TTC27: variants seen among roughly 807,000 people sequenced by gnomAD.
TTC27 encodes tetratricopeptide repeat domain 27, also known as tetratricopeptide repeat protein 27.
A neutral mutation model predicts 115.9 loss-of-function variants in TTC27; 79 were observed. That is an observed-to-expected ratio of 0.68 (90% CI 0.57 to 0.82). TTC27 has a LOEUF of 0.82. Ranked by LOEUF, TTC27 falls within the 40% of genes least tolerant of loss-of-function variation. The pLI is 0.00. For synonymous variants in TTC27, 401 were observed against 356.0 expected (o/e 1.13, Z -1.42); for missense variants, 1,054 against 993.1 (o/e 1.06, Z -0.82).
intron 12 of TTC27, among the ~76,000 whole-genome samples, chr2:32,750,782 G>A (rs1479291589): frequency 6.6e-6 from 1 of 152,140 alleles, no homozygotes; most frequent in Non-Finnish European, 1.5e-5. Context: ...CCTTAGGGGT[G>A]ATACATCAAA....
chr2:32,719,379 C>T (rs1377108858), intron 10 of TTC27, among the ~76,000 whole-genome samples: 3 of 152,134 alleles, frequency 2.0e-5, no homozygotes, highest in African/African-American at 7.2e-5. Context: ...GATGCAACAA[C>T]CCAGATAACA....
chr2:32,707,581 C>G (rs1667419735), intron 10 of TTC27, among the ~76,000 whole-genome samples: 6 of 151,956 alleles, frequency 3.9e-5, no homozygotes, highest in Admixed American at 3.9e-4. Context: ...TAGTCTATAT[C>G]CTAATTAATA....
intron 10 of TTC27, among the ~76,000 whole-genome samples, chr2:32,732,697 C>T (rs1333642803): frequency 6.6e-6 from 1 of 152,032 alleles, no homozygotes; most frequent in African/African-American, 2.4e-5. Context: ...CTTTTGCATC[C>T]CGAAGTTTTG....
intron 5 of TTC27, among the ~76,000 whole-genome samples, chr2:32,656,320 G>T (rs1665313991): frequency 6.6e-6 from 1 of 152,164 alleles, no homozygotes; most frequent in East Asian, 1.9e-4. Flanking sequence ...GAATGTGATT[G>T]TTCTGAACCG....
chr2:32,778,169 A>C (rs1428525910), intron 14 of TTC27, among the ~76,000 whole-genome samples, 189 bp downstream of exon 14: 1 of 152,176 alleles, frequency 6.6e-6, no homozygotes, highest in East Asian at 1.9e-4. Context: ...TTCATTTAGG[A>C]AATAATTTTG....
chr2:32,656,635 G>A (rs17012044), intron 5 of TTC27, among the ~76,000 whole-genome samples: 14,988 of 152,160 alleles, frequency 0.099, 1,150 homozygotes, highest in South Asian at 0.32. Context: ...CTCACTCCGA[G>A]GATATTATTT....
At chr2:32,817,704 G>A in intron 19 of TTC27, 147 bp downstream of exon 19, 1 of 710,898 alleles carries the variant, frequency 1.4e-6, no homozygotes, top group Non-Finnish European at 2.4e-6. Flanking sequence ...GGTTGGTTGT[G>A]TTGTGAGGAT....
Position 32,758,392 on chromosome 2 carries a change from C to G in TTC27, c.1553C>G (p.Ala518Gly). 1 of 1,614,200 alleles carries G rather than the reference C, an allele frequency of 6.2e-7. No individual in the cohort carries two copies. Among genetic ancestry groups the G allele is most frequent in the Admixed American group, 1.7e-5 (1 of 60,026 alleles). ...VLGDHSCYDK[A>G]WELSRYRSAR... The stretch of plus-strand genomic sequence containing the variant: ...GGAGACCATTCTTGCTATGACAAGG[C>G]CTGGGAGTTGTCCCGGTACCGCAGT... The change falls in exon 13 of 20, where the codon GCC (alanine) becomes GGC (glycine). Residue 518 changes from alanine (A) to glycine (G), a missense_variant. Ala to Gly is a moderately conservative substitution (Grantham distance 60, BLOSUM62 0). Transcript: ENST00000317907.
At chr2:32,812,466 AC>A (rs1432211216) in intron 17 of TTC27, 37 bp from the exon 18 acceptor site, 2 of 1,440,036 alleles carry the variant, frequency 1.4e-6, no homozygotes, top group Non-Finnish European at 2.0e-6. Flanking sequence ...TGTGAATTCT[AC>A]TTGTTATTCT....
chr2:32,716,689 A>G (rs1394651044), intron 10 of TTC27, among the ~76,000 whole-genome samples: 4 of 151,204 alleles, frequency 2.6e-5, no homozygotes, highest in South Asian at 2.1e-4. Context: ...TGTTTGTTCT[A>G]TATGTTTTTT....
intron 9 of TTC27, among the ~76,000 whole-genome samples, chr2:32,686,976 C>G (rs1337092625): frequency 6.6e-6 from 1 of 152,106 alleles, no homozygotes; most frequent in African/African-American, 2.4e-5. Flanking sequence ...TCCCGAGTAC[C>G]TGGGATTACA....
chr2:32,800,536 C>A (rs184604174), intron 16 of TTC27, among the ~76,000 whole-genome samples: 1 of 151,474 alleles, frequency 6.6e-6, no homozygotes, highest in East Asian at 2.0e-4. Context: ...CTCGCTCTGT[C>A]GCCCAGGCTG....
chr2:32,735,663 C>T (rs1052735389), intron 11 of TTC27, among the ~76,000 whole-genome samples: 4 of 152,170 alleles, frequency 2.6e-5, no homozygotes, highest in Admixed American at 2.6e-4. Context: ...CTCTACTTTG[C>T]TACTAACTAG....
chr2:32,676,453 A>T (rs1371208029), intron 8 of TTC27, among the ~76,000 whole-genome samples: 1 of 149,754 alleles, frequency 6.7e-6, no homozygotes, highest in East Asian at 2.0e-4. Context: ...AATTATAGGG[A>T]TATGTTATAT....
At chr2:32,650,595 T>C (rs1180823301) in intron 5 of TTC27, among the ~76,000 whole-genome samples, 2 of 152,018 alleles carry the variant, frequency 1.3e-5, no homozygotes. Context: ...CTTAGTTCTT[T>C]TTTTAAAAAA....
intron 6 of TTC27, among the ~76,000 whole-genome samples, chr2:32,666,359 C>CTTT (rs35023187): frequency 1.5e-5 from 2 of 136,534 alleles, no homozygotes; most frequent in Admixed American, 7.4e-5. Flanking sequence ...CAATGTGTTA[C>CTTT]TTTTTTTTTT....
intron 10 of TTC27, among the ~76,000 whole-genome samples, chr2:32,726,489 C>T (rs898292925): frequency 2.6e-5 from 4 of 152,186 alleles, no homozygotes; most frequent in Admixed American, 2.6e-4. Flanking sequence ...CAAGAGTCAC[C>T]TTTGCTCTAG....
intron 16 of TTC27, among the ~76,000 whole-genome samples, chr2:32,796,992 G>C (rs1670724170): frequency 6.6e-6 from 1 of 151,852 alleles, no homozygotes; most frequent in Admixed American, 6.6e-5. Flanking sequence ...GGCCAACATG[G>C]TGAAACCCCA....
chr2:32,774,020 TGTTGAATTCACATC>T (rs1669914055), intron 13 of TTC27, among the ~76,000 whole-genome samples: 1 of 152,162 alleles, frequency 6.6e-6, no homozygotes, highest in African/African-American at 2.4e-5. Flanking sequence ...CACAAATTTG[TGTTGAATTCACATC>T]TTTGAATTCA....
Sources: gnomAD v4.1 joint callset for allele counts (sites outside exome capture counted in the v4.1 genomes callset) on GRCh38, gnomAD v4.1.1 for gene constraint, MANE v1.5 for transcripts, NCBI Gene and HGNC (gene_info 2026-07-23, HGNC 2026-07-21) for gene names.